The following ITCH variants were observed in gnomAD, a reference collection of about 807,000 sequenced individuals.
ITCH encodes E3 ubiquitin-protein ligase Itchy homolog.
Under a neutral mutation model 126.8 loss-of-function variants are expected in ITCH, and 28 were observed. The ratio of observed to expected loss-of-function variants is 0.22; its 90% confidence interval spans 0.16 to 0.30. The LOEUF is 0.30. ITCH is among the 10% of genes least tolerant of loss of function. The pLI is 1.00. For synonymous variants in ITCH, 342 were observed against 340.0 expected, an observed-to-expected ratio of 1.01 and a Z score of -0.06; for missense variants, 631 against 1,032.4, an observed-to-expected ratio of 0.61 and a Z score of 5.33.
chr20:34,380,605 C>CTTTTTTTT (rs35848431), intron 2 of ITCH, among the ~76,000 whole-genome samples: 1 of 69,246 alleles, frequency 1.4e-5, no homozygotes, highest in African/African-American at 6.0e-5. Flanking sequence ...TTAATGATGT[C>CTTTTTTTT]TTTTTTTTTT....
At chr20:34,380,480 GTTGT>G (rs2146018280) in intron 2 of ITCH, among the ~76,000 whole-genome samples, 1 of 151,928 alleles carries the variant, frequency 6.6e-6, no homozygotes, top group East Asian at 1.9e-4. Context: ...CTTTGCTTGG[GTTGT>G]TTGTCTTACT....
At chr20:34,499,024 G>A (rs1351117401) in intron 23 of ITCH, among the ~76,000 whole-genome samples, 3 of 151,210 alleles carry the variant, frequency 2.0e-5, no homozygotes, top group African/African-American at 7.3e-5. Flanking sequence ...ACCCAGGCTG[G>A]AACGCAGTGG....
chr20:34,488,929 C>T (rs370029541), intron 20 of ITCH, among the ~76,000 whole-genome samples: 1 of 152,136 alleles, frequency 6.6e-6, no homozygotes, highest in Non-Finnish European at 1.5e-5. Flanking sequence ...TTCCCAGCTA[C>T]TCGGGAGGCC....
chr20:34,497,057 C>T (rs746243546), intron 23 of ITCH, among the ~76,000 whole-genome samples: 3 of 151,544 alleles, frequency 2.0e-5, no homozygotes, highest in Non-Finnish European at 2.9e-5. Context: ...AGTACAGTGG[C>T]GAGATCTCGG....
intron 4 of ITCH, among the ~76,000 whole-genome samples, chr20:34,411,015 G>C (rs548207583): frequency 1.7e-4 from 26 of 152,190 alleles, no homozygotes; most frequent in Non-Finnish European, 3.7e-4. Flanking sequence ...TCGTGTAGCA[G>C]GCTTTCCAGA....
chr20:34,456,204 ATATATATATATTTTTT>A (rs1489474192), intron 12 of ITCH, among the ~76,000 whole-genome samples: 71 of 30,856 alleles, frequency 2.3e-3, no homozygotes, highest in East Asian at 8.1e-3. Flanking sequence ...ATATATATAT[ATATATATATATTTTTT>A]TTTTTTTTTT....
chr20:34,475,260 G>A (rs1370627780), intron 16 of ITCH, among the ~76,000 whole-genome samples: 4 of 152,180 alleles, frequency 2.6e-5, no homozygotes, highest in Admixed American at 1.3e-4. Context: ...GGTGGCGGCC[G>A]GGCAGAGGCT....
chr20:34,424,489 A>G lies in ITCH; in HGVS notation c.485A>G (p.Gln162Arg). 1 of 1,613,392 alleles carries G rather than the reference A, an allele frequency of 6.2e-7. No homozygotes were observed. Among genetic ancestry groups the G allele is most frequent in the Non-Finnish European group, 8.5e-7 (1 of 1,179,342 alleles). Residue 162 changes from glutamine (Q) to arginine (R), a missense_variant, in exon 7 of 25, where the codon CAG becomes CGG. Gln to Arg is a conservative substitution (Grantham distance 43, BLOSUM62 1). This residue lies in a region of ITCH where 220 missense variants were observed against 265.7 expected (regional missense o/e 0.83). Coordinates refer to ENST00000374864, the MANE Select transcript of ITCH (RefSeq NM_031483.7). ...AACTTTGATGTTAAAGGTGCTTCTC[A>G]GAATGATGATGGCTCCAGATCCAAG... ...GETTCSESAS[Q>R]NDDGSRSKDE...
intron 12 of ITCH, among the ~76,000 whole-genome samples, chr20:34,451,757 T>C: frequency 6.6e-6 from 1 of 152,098 alleles, no homozygotes; most frequent in East Asian, 1.9e-4. Context: ...ATCCAAAGGA[T>C]ATGTATTTAT....
chr20:34,428,861 T>C (rs1981908964), intron 7 of ITCH, among the ~76,000 whole-genome samples: 1 of 152,248 alleles, frequency 6.6e-6, no homozygotes, highest in Non-Finnish European at 1.5e-5. Context: ...TATGTTGAAA[T>C]TAGCAGATGT....
At chr20:34,472,922 C>A (rs926473498) in intron 16 of ITCH, among the ~76,000 whole-genome samples, 1 of 152,112 alleles carries the variant, frequency 6.6e-6, no homozygotes, top group Admixed American at 6.5e-5. Flanking sequence ...CTCTGTTGGA[C>A]GAGTTTCTTG....
intron 20 of ITCH, among the ~76,000 whole-genome samples, chr20:34,483,846 C>T (rs1326908968): frequency 1.3e-5 from 2 of 152,136 alleles, no homozygotes; most frequent in Non-Finnish European, 2.9e-5. Flanking sequence ...GGACAATTTA[C>T]AAAAGAAAGA....
chr20:34,496,197 A>G (rs1255897978), intron 23 of ITCH, among the ~76,000 whole-genome samples: 1 of 152,148 alleles, frequency 6.6e-6, no homozygotes, highest in Non-Finnish European at 1.5e-5. Flanking sequence ...AGGTGAGATG[A>G]TAGTTCATTG....
chr20:34,367,958 T>C (rs1165749707), intron 1 of ITCH, among the ~76,000 whole-genome samples: 5 of 152,186 alleles, frequency 3.3e-5, no homozygotes, highest in African/African-American at 9.7e-5. Flanking sequence ...AGTTTTGTTA[T>C]ATTCATTCTG....
At chr20:34,434,176 C>T (rs1000438193) in intron 7 of ITCH, among the ~76,000 whole-genome samples, 1 of 151,906 alleles carries the variant, frequency 6.6e-6, no homozygotes, top group African/African-American at 2.4e-5. Context: ...ACTCAGGAGA[C>T]TGAGGCGGGA....
intron 24 of ITCH, among the ~76,000 whole-genome samples, chr20:34,505,295 C>T (rs1990548887): frequency 1.3e-5 from 2 of 152,056 alleles, no homozygotes; most frequent in South Asian, 4.2e-4. Context: ...CCACCCACCT[C>T]GGCCTCCCAA....
Position 34,508,813 on chromosome 20 carries a change from T to A in ITCH, c.*1019T>A, listed in dbSNP as rs1978451720. On this transcript the variant is annotated 3_prime_UTR_variant, in exon 25 of 25. Transcript: ENST00000374864. ...TATCATAATCCAACAACTTCAGTTATATTTAATTATTGTTAAGGAGTTTAA... is the reference window on the plus strand; with the variant it reads ...TATCATAATCCAACAACTTCAGTTAAATTTAATTATTGTTAAGGAGTTTAA... 6.6e-6 allele frequency: 1 copy of A among 152,226 alleles called. No individual in the cohort carries two copies. Among genetic ancestry groups the A allele is most frequent in the South Asian group, 2.1e-4 (1 of 4,836 alleles). 9.4% of individuals were successfully genotyped at this position (152,226 alleles called of 1,614,324 possible). A position where few individuals can be genotyped will look rare whatever the true frequency, so the allele number is the denominator to read the frequency against.
chr20:34,486,390 A>G (rs1188619981), intron 20 of ITCH, among the ~76,000 whole-genome samples: 2 of 149,964 alleles, frequency 1.3e-5, no homozygotes, highest in South Asian at 2.1e-4. Context: ...CAGCGGTACA[A>G]TCTTGGCTCA....
intron 20 of ITCH, among the ~76,000 whole-genome samples, chr20:34,488,574 G>T (rs1349337279): frequency 1.3e-5 from 2 of 152,110 alleles, no homozygotes; most frequent in African/African-American, 4.8e-5. Flanking sequence ...TCAGTTGGGT[G>T]TGGTGGCGCA....
Sources: allele counts gnomAD v4.1 joint callset (sites outside exome capture counted in the v4.1 genomes callset), GRCh38; gene constraint gnomAD v4.1.1; regional missense constraint gnomAD v4.1.1; transcripts MANE v1.5; gene names NCBI Gene and HGNC (gene_info 2026-07-23, HGNC 2026-07-21).